Variants in CACNA1G observed in about 807,000 individuals in gnomAD.
CACNA1G encodes calcium voltage-gated channel subunit alpha1 G.
In CACNA1G, 67 loss-of-function variants were observed where a neutral mutation model predicts 219.4. The ratio of observed to expected loss-of-function variants is 0.31; its 90% CI spans 0.25 to 0.37. The LOEUF is 0.37. Ranked by LOEUF, CACNA1G falls within the 10% of genes least tolerant of loss-of-function variation. The pLI is 1.00. For synonymous variants in CACNA1G, 1,296 were observed against 1,345.3 expected (o/e 0.96, Z 0.80); for missense variants, 2,380 against 3,231.4 (o/e 0.74, Z 6.39).
At chr17:50,574,852 C>T (rs918043876) in intron 7 of CACNA1G, among the ~76,000 whole-genome samples, 4 of 152,026 alleles carry the variant, frequency 2.6e-5, no homozygotes, top group African/African-American at 9.7e-5. Context: ...GAGATGGGGA[C>T]TGGGGTAGTG....
At chr17:50,565,891 T>C (rs1000236464) in intron 1 of CACNA1G, among the ~76,000 whole-genome samples, 2 of 152,218 alleles carry the variant, frequency 1.3e-5, no homozygotes, top group African/African-American at 4.8e-5. Flanking sequence ...TCTCTGCTTT[T>C]GATGGTGGGT....
Position 50,626,161 on chromosome 17 carries a change from C to G in CACNA1G, c.6544C>G (p.Arg2182Gly), listed in dbSNP as rs750721334. Residue 2182 changes from arginine (R) to glycine (G), a missense_variant, in exon 38 of 38, where the codon CGC becomes GGC. Around this residue, in one of 17 missense-constraint regions of CACNA1G, gnomAD observed 672 missense variants for 670.5 expected, o/e 1.00. Coordinates refer to ENST00000359106, the MANE Select transcript of CACNA1G (RefSeq NM_018896.5). The surrounding 1 kb of genome is among the most constrained non-coding windows in gnomAD (Gnocchi z 4.3). Reference protein sequence around the residue: ...QSSTQAQQHSRSHSKISKHMT... With the variant: ...QSSTQAQQHSGSHSKISKHMT... Reference sequence around the variant, plus strand: ...AAGTACCCAGGCACAGCAGCACTCCCGCAGCCACAGCAAGATCTCCAAGCA... The same window carrying G: ...AAGTACCCAGGCACAGCAGCACTCCGGCAGCCACAGCAAGATCTCCAAGCA... 22 of 1,613,834 alleles carry G rather than the reference C, an allele frequency of 1.4e-5. 1 individual carries two copies. The South Asian group carries it at 2.4e-4, about 18-fold the overall frequency.
In CACNA1G at chr17:50,615,379, A is replaced by G. The variant is rs1057521306; in HGVS notation, c.4778A>G (p.Tyr1593Cys). Reference protein sequence around the residue: ...SAASEAQCKPYYSDYSRFRLL... With the variant: ...SAASEAQCKPCYSDYSRFRLL... The stretch of plus-strand genomic sequence containing the variant: ...CCATCAGAAGCCCAGTGCAAACCTT[A>G]CTACTCCGACTACTCCCGCTTCCGG... The change falls in exon 27 of 38, where the codon TAC (tyrosine) becomes TGC (cysteine). Residue 1593 changes from tyrosine (Y) to cysteine (C), a missense_variant. By Grantham distance (194) the Tyr-to-Cys change is radical. Around this residue, in one of 17 missense-constraint regions of CACNA1G, gnomAD observed 58 missense variants for 71.3 expected, o/e 0.81. Coordinates refer to ENST00000359106, the MANE Select transcript of CACNA1G (RefSeq NM_018896.5). 16 of 1,609,356 alleles carry G rather than the reference A, an allele frequency of 9.9e-6. No individual in the cohort carries two copies. The highest frequency in any genetic ancestry group is 1.4e-5 in the Non-Finnish European group (16 of 1,176,778).
chr17:50,615,954 G>A (rs2050472891), intron 27 of CACNA1G, among the ~76,000 whole-genome samples: 1 of 152,222 alleles, frequency 6.6e-6, no homozygotes, highest in Non-Finnish European at 1.5e-5. Flanking sequence ...TCCATCCAAT[G>A]AGGGGGTTGA....
chr17:50,579,440 G>C (rs72835732), intron 9 of CACNA1G, among the ~76,000 whole-genome samples: 1 of 152,140 alleles, frequency 6.6e-6, no homozygotes, highest in Non-Finnish European at 1.5e-5. Context: ...ATGCCCGCTT[G>C]TTGGGGGTCC....
chr17:50,589,496 G>A (rs1421506523), intron 9 of CACNA1G, among the ~76,000 whole-genome samples: 1 of 152,176 alleles, frequency 6.6e-6, no homozygotes, highest in Non-Finnish European at 1.5e-5. Flanking sequence ...TGGGAGGCGG[G>A]GCGTGTGGCT....
At chr17:50,592,589 C>G (rs1264638309) in intron 13 of CACNA1G, among the ~76,000 whole-genome samples, 1 of 152,238 alleles carries the variant, frequency 6.6e-6, no homozygotes, top group African/African-American at 2.4e-5. Flanking sequence ...ACGGGCATGG[C>G]AGAGATGAGC....
chr17:50,566,632 G>A (rs1048222088), intron 1 of CACNA1G, among the ~76,000 whole-genome samples: 4 of 152,258 alleles, frequency 2.6e-5, no homozygotes, highest in Non-Finnish European at 5.9e-5. Context: ...GTTCACCTCT[G>A]TCAAGGGAAA....
Position 50,608,017 on chromosome 17 carries a change from G to T in CACNA1G, c.4703G>T (p.Arg1568Met). The T allele has an allele frequency of 6.2e-7, 1 of 1,604,824 alleles. No homozygotes were observed. The highest frequency in any genetic ancestry group is 8.5e-7 in the Non-Finnish European group (1 of 1,175,620). Residue 1568 changes from arginine to methionine, a missense_variant and splice_region_variant, in exon 25 of 38, where the codon AGG (arginine) becomes ATG (methionine). Around this residue, in one of 17 missense-constraint regions of CACNA1G, gnomAD observed 58 missense variants for 71.3 expected, o/e 0.81. Transcript: ENST00000359106. The stretch of plus-strand genomic sequence containing the variant: ...CTACGAAGACTGGAGAAAAAGAGAA[G>T]GAGTAAGGAGAAGCAGATGGCTGGT... ...KRLRRLEKKR[R>M]NLMLDDVIAS...
chr17:50,582,586 C>T (rs2042185621), intron 9 of CACNA1G, among the ~76,000 whole-genome samples: 1 of 152,116 alleles, frequency 6.6e-6, no homozygotes, highest in African/African-American at 2.4e-5. Context: ...AAAGAAGTTG[C>T]CTTCTCTTCT....
chr17:50,575,825 G>A lies in CACNA1G; in HGVS notation c.1423G>A (p.Glu475Lys). ...CAGCCCAGCACCCCTCGGGGGCCAG[G>A]AGACCCAGCCCAGCAGCAGCTGCTC... ...LSSPAPLGGQETQPSSSCSRS... is the reference protein window; with the variant it reads ...LSSPAPLGGQKTQPSSSCSRS... Residue 475 changes from glutamate to lysine, a missense_variant, in exon 8 of 38, where the codon GAG (glutamate) becomes AAG (lysine). Around this residue, in one of 17 missense-constraint regions of CACNA1G, gnomAD observed 434 missense variants for 417.3 expected, o/e 1.04. Transcript: ENST00000359106. 1 of 1,550,794 alleles carries A rather than the reference G, an allele frequency of 6.4e-7. No homozygotes were observed. The highest frequency in any genetic ancestry group is 1.2e-5 in the South Asian group (1 of 84,152).
chr17:50,610,079 T>C (rs2048885597), intron 26 of CACNA1G, 144 bp downstream of exon 26: 2 of 756,640 alleles, frequency 2.6e-6, no homozygotes, highest in East Asian at 2.8e-5. Flanking sequence ...CGCTGGGCTC[T>C]GCAGCATCCC....
chr17:50,570,428 C>T (rs1451207481), intron 4 of CACNA1G, among the ~76,000 whole-genome samples: 1 of 152,174 alleles, frequency 6.6e-6, no homozygotes, highest in Non-Finnish European at 1.5e-5. Context: ...CCCTTTGCAA[C>T]TCCCCAACCT....
chr17:50,624,269 G>A (rs1157209526), intron 36 of CACNA1G, 91 bp from the exon 37 acceptor site: 2 of 1,288,000 alleles, frequency 1.6e-6, no homozygotes, highest in East Asian at 2.5e-5. Flanking sequence ...GGGAGAGAGT[G>A]GAAGGGAGGG....
chr17:50,595,644 G>T (rs544488639), intron 14 of CACNA1G, among the ~76,000 whole-genome samples: 1 of 152,374 alleles, frequency 6.6e-6, no homozygotes, highest in South Asian at 2.1e-4. Context: ...TCCGGCTGGC[G>T]CTGTCAGGGC....
intron 8 of CACNA1G, among the ~76,000 whole-genome samples, chr17:50,576,853 C>A (rs925331628): frequency 9.2e-5 from 14 of 152,230 alleles, no homozygotes; most frequent in African/African-American, 3.4e-4. Flanking sequence ...CTTCATGCCC[C>A]ACTGGCTAAA....
chr17:50,607,734 A>G lies in CACNA1G; in HGVS notation c.4513-93A>G, dbSNP rs747093487. Reference sequence around the variant, plus strand: ...CATCGCCTGTCAGGCGGCTGTAGCTATTTGGGTTCGCAGGAACCCAGGCTG... The same window carrying G: ...CATCGCCTGTCAGGCGGCTGTAGCTGTTTGGGTTCGCAGGAACCCAGGCTG... On this transcript the variant is annotated intron_variant, in intron 24 of 37. Coordinates refer to ENST00000359106, the MANE Select transcript of CACNA1G (RefSeq NM_018896.5). 1.9e-4 allele frequency: 202 copies of G among 1,042,938 alleles called. 2 individuals carry two copies. The highest frequency in any genetic ancestry group is 2.7e-4 in the Non-Finnish European group (180 of 669,044). The allele number at this position is 1,042,938 out of a possible 1,614,324, so 64.6% of individuals were successfully genotyped here. A position where few individuals can be genotyped will look rare whatever the true frequency, so the allele number is the denominator to read the frequency against.
At position 50,617,756 on chromosome 17, in the gene CACNA1G, G is replaced by A. The variant is rs1025772273; in HGVS notation, c.5156-103G>A. The A allele has an allele frequency of 9.6e-6, 14 of 1,456,316 alleles. No homozygotes were observed. Among genetic ancestry groups the A allele is most frequent in the Non-Finnish European group, 1.3e-5 (14 of 1,059,862 alleles). The allele number at this position is 1,456,316 out of a possible 1,614,324, so 90.2% of individuals were successfully genotyped here. The stretch of plus-strand genomic sequence containing the variant: ...GGGGATGCAACCTGGCTGGCCCGGA[G>A]ATGGCCATCCCAGCAGCCCCAGCCC... On this transcript the variant is annotated intron_variant, in intron 29 of 37. Coordinates refer to ENST00000359106, the MANE Select transcript of CACNA1G (RefSeq NM_018896.5). This position sits in a 1 kb window ranked among gnomAD's most constrained non-coding sequence, Gnocchi z 5.8.
intron 35 of CACNA1G, 90 bp from the exon 36 acceptor site, chr17:50,623,817 G>T: frequency 7.3e-7 from 1 of 1,366,056 alleles, no homozygotes; most frequent in East Asian, 2.5e-5. Context: ...TGGGCGGGGG[G>T]CGCTGCTGCT....
Sources: allele counts gnomAD v4.1 joint callset (sites outside exome capture counted in the v4.1 genomes callset), GRCh38; gene constraint gnomAD v4.1.1; regional missense constraint gnomAD v4.1.1; non-coding constraint Gnocchi (gnomAD v3.1); transcripts MANE v1.5; gene names NCBI Gene and HGNC (gene_info 2026-07-23, HGNC 2026-07-21).